Variants in ERC2 observed in about 807,000 individuals in gnomAD.
ERC2 encodes ELKS/RAB6-interacting/CAST family member 2, also known as ERC protein 2.
A neutral mutation model predicts 114.8 loss-of-function variants in ERC2; 42 were observed. That is an observed-to-expected ratio of 0.37 (90% CI 0.29 to 0.47). The LOEUF (loss-of-function observed/expected upper bound fraction) is 0.47. ERC2 is among the 20% of genes least tolerant of loss of function. The pLI, the probability that ERC2 is intolerant of heterozygous loss-of-function variation, is 0.99. For missense variants in ERC2, 939 were observed against 1,150.7 expected (o/e 0.82, Z 2.66); for synonymous variants, 454 against 425.5 (o/e 1.07, Z -0.82).
At chr3:55,869,780 C>T (rs1343828262) in intron 14 of ERC2, among the ~76,000 whole-genome samples, 1 of 152,096 alleles carries the variant, frequency 6.6e-6, no homozygotes, top group Non-Finnish European at 1.5e-5. Flanking sequence ...GCAGCACCCT[C>T]CCAGAGAAGA....
At chr3:55,921,591 T>C (rs2065434309) in intron 13 of ERC2, among the ~76,000 whole-genome samples, 1 of 152,150 alleles carries the variant, frequency 6.6e-6, no homozygotes, top group Non-Finnish European at 1.5e-5. Flanking sequence ...ATGCAATGGC[T>C]TCTAAGATCA....
chr3:56,415,460 G>A (rs184957123), intron 2 of ERC2, among the ~76,000 whole-genome samples: 63 of 152,258 alleles, frequency 4.1e-4, no homozygotes, highest in Non-Finnish European at 8.5e-4. Context: ...CACACAGTCC[G>A]AATGCTGAAA....
At chr3:55,595,119 G>C (rs1163528709) in intron 17 of ERC2, among the ~76,000 whole-genome samples, 1 of 152,122 alleles carries the variant, frequency 6.6e-6, no homozygotes, top group African/African-American at 2.4e-5. Flanking sequence ...TTATAGATGA[G>C]AAAACCAAAA....
At chr3:55,773,574 T>C (rs1035627468) in intron 14 of ERC2, among the ~76,000 whole-genome samples, 1 of 152,270 alleles carries the variant, frequency 6.6e-6, no homozygotes, top group African/African-American at 2.4e-5. Context: ...GCCTGTCTTA[T>C]TATTTCTCCC....
At chr3:55,756,533 T>C (rs2067068964) in intron 14 of ERC2, among the ~76,000 whole-genome samples, 1 of 152,230 alleles carries the variant, frequency 6.6e-6, no homozygotes, top group Non-Finnish European at 1.5e-5. Context: ...TTTATCTTTC[T>C]AAAATTTCAA....
chr3:56,129,469 TAA>T (rs1281236508), intron 6 of ERC2, among the ~76,000 whole-genome samples: 9 of 152,204 alleles, frequency 5.9e-5, no homozygotes, highest in African/African-American at 2.2e-4. Context: ...AAATTCATTT[TAA>T]AAAGAGTAAA....
intron 13 of ERC2, among the ~76,000 whole-genome samples, chr3:55,946,739 T>G (rs11713281): frequency 6.6e-6 from 1 of 152,128 alleles, no homozygotes; most frequent in Non-Finnish European, 1.5e-5. Flanking sequence ...AACTCCACGG[T>G]TCTGCATCCT....
chr3:56,380,399 C>T (rs764990769), intron 2 of ERC2, among the ~76,000 whole-genome samples: 27 of 152,044 alleles, frequency 1.8e-4, no homozygotes, highest in Non-Finnish European at 3.5e-4. Flanking sequence ...TGTGCTTTCC[C>T]ACTCCCTGGG....
At chr3:55,676,748 G>A (rs939396312) in intron 17 of ERC2, among the ~76,000 whole-genome samples, 1 of 152,060 alleles carries the variant, frequency 6.6e-6, no homozygotes, top group Non-Finnish European at 1.5e-5. Context: ...CAGACCAACA[G>A]CATACTCTAA....
At chr3:56,149,967 A>G (rs2081333051) in intron 4 of ERC2, among the ~76,000 whole-genome samples, 1 of 152,092 alleles carries the variant, frequency 6.6e-6, no homozygotes, top group Non-Finnish European at 1.5e-5. Flanking sequence ...TAACCAAAAC[A>G]AAACAAAAAA....
chr3:56,421,497 G>A (rs887615555), intron 2 of ERC2, among the ~76,000 whole-genome samples: 5 of 152,168 alleles, frequency 3.3e-5, no homozygotes, highest in Admixed American at 6.5e-5. Context: ...TAGGTCAATT[G>A]GATTATTGGT....
chr3:55,902,800 T>A (rs2064209910), intron 13 of ERC2, among the ~76,000 whole-genome samples: 1 of 152,152 alleles, frequency 6.6e-6, no homozygotes, highest in Non-Finnish European at 1.5e-5. Flanking sequence ...GCTTCTCACC[T>A]GGCTCCACAC....
At chr3:55,552,051 G>A (rs1404530422) in intron 17 of ERC2, among the ~76,000 whole-genome samples, 2 of 152,096 alleles carry the variant, frequency 1.3e-5, no homozygotes, top group East Asian at 1.9e-4. Context: ...CAACTGCAAG[G>A]CATGCCCATA....
At chr3:56,063,085 A>T (rs1450500872) in intron 7 of ERC2, among the ~76,000 whole-genome samples, 1 of 152,226 alleles carries the variant, frequency 6.6e-6, no homozygotes, top group Non-Finnish European at 1.5e-5. Flanking sequence ...GTTTCAATGC[A>T]TTATGCTAAG....
chr3:56,448,295 G>C (rs1376655499), intron 1 of ERC2, among the ~76,000 whole-genome samples: 1 of 152,158 alleles, frequency 6.6e-6, no homozygotes, highest in Non-Finnish European at 1.5e-5. Flanking sequence ...AGAGCCCATG[G>C]CAAGAGTACA....
intron 7 of ERC2, among the ~76,000 whole-genome samples, chr3:56,042,299 A>G (rs1482305206): frequency 6.6e-6 from 1 of 152,228 alleles, no homozygotes; most frequent in Admixed American, 6.5e-5. Context: ...CATTCAAGCC[A>G]ACTCACTGTG....
chr3:55,688,710 C>T (rs2062467488), intron 16 of ERC2, among the ~76,000 whole-genome samples: 1 of 152,186 alleles, frequency 6.6e-6, no homozygotes, highest in Admixed American at 6.5e-5. Context: ...CACCCCAACA[C>T]ATTTTAAGAT....
chr3:56,342,017 A>G (rs1039599404), intron 2 of ERC2, among the ~76,000 whole-genome samples: 4 of 152,158 alleles, frequency 2.6e-5, no homozygotes, highest in African/African-American at 9.7e-5. Context: ...ATTACCAATG[A>G]TCTTAGAACC....
At chr3:56,435,222 A>G (rs372206760) in intron 1 of ERC2, 75 bp from the exon 2 acceptor site, 7 of 521,628 alleles carry the variant, frequency 1.3e-5, no homozygotes, top group African/African-American at 3.8e-5. Flanking sequence ...TTAAATATAT[A>G]AAGATAATGA....
Sources: gnomAD v4.1 joint callset for allele counts (sites outside exome capture counted in the v4.1 genomes callset) on GRCh38, gnomAD v4.1.1 for gene constraint, MANE v1.5 for transcripts, NCBI Gene and HGNC (gene_info 2026-07-23, HGNC 2026-07-21) for gene names.